The following SLC9A8 variants were observed in gnomAD, a reference collection of about 807,000 sequenced individuals.
SLC9A8 encodes the protein sodium/hydrogen exchanger 8.
SLC9A8 carries 48 observed loss-of-function variants against 66.6 expected under a neutral mutation model. The ratio of observed to expected loss-of-function variants is 0.72; its 90% CI spans 0.57 to 0.92. The LOEUF (loss-of-function observed/expected upper bound fraction) is 0.92. Ranked by LOEUF, SLC9A8 falls within the 40% of genes least tolerant of loss-of-function variation. The pLI, the probability that SLC9A8 is intolerant of heterozygous loss-of-function variation, is 0.00. For synonymous variants in SLC9A8, 274 were observed against 282.6 expected (o/e 0.97, Z 0.31); for missense variants, 599 against 747.3 (o/e 0.80, Z 2.31).
intron 2 of SLC9A8, among the ~76,000 whole-genome samples, chr20:49,816,123 GA>G (rs1426638052): frequency 1.3e-5 from 2 of 152,214 alleles, no homozygotes; most frequent in East Asian, 3.9e-4. Flanking sequence ...TTCACTCTCT[GA>G]AAACCTCATT....
chr20:49,877,534 G>A (rs1206150340), intron 11 of SLC9A8, among the ~76,000 whole-genome samples: 3 of 152,118 alleles, frequency 2.0e-5, no homozygotes, highest in South Asian at 2.1e-4. Context: ...AAACCTTGTG[G>A]CAGTGTTAAA....
intron 8 of SLC9A8, among the ~76,000 whole-genome samples, chr20:49,856,447 A>G (rs2088487073): frequency 6.6e-6 from 1 of 152,194 alleles, no homozygotes; most frequent in Non-Finnish European, 1.5e-5. Flanking sequence ...TGGACACTAC[A>G]ATTTGTTTTC....
chr20:49,862,494 C>T (rs770892599), intron 8 of SLC9A8, among the ~76,000 whole-genome samples: 5 of 152,182 alleles, frequency 3.3e-5, no homozygotes, highest in Non-Finnish European at 5.9e-5. Context: ...CTCCTGCCCT[C>T]AAGTGATCTG....
chr20:49,871,088 C>T (rs372566414), intron 10 of SLC9A8, among the ~76,000 whole-genome samples: 1 of 152,238 alleles, frequency 6.6e-6, no homozygotes, highest in Non-Finnish European at 1.5e-5. Flanking sequence ...AGAGTAGTTA[C>T]GTCTGAGCGG....
chr20:49,847,372 TTTTTC>T (rs1205245682), intron 5 of SLC9A8, among the ~76,000 whole-genome samples: 46 of 148,952 alleles, frequency 3.1e-4, no homozygotes, highest in Non-Finnish European at 5.5e-4. Flanking sequence ...GCATGTAAAG[TTTTTC>T]TTTTCTTTTT....
At chr20:49,873,621 A>C (rs191089579) in intron 10 of SLC9A8, among the ~76,000 whole-genome samples, 2 of 151,464 alleles carry the variant, frequency 1.3e-5, no homozygotes. Flanking sequence ...AAATACAAAA[A>C]TGAGCTGGGC....
At chr20:49,885,263 C>T (rs927818146) in intron 14 of SLC9A8, among the ~76,000 whole-genome samples, 10 of 152,238 alleles carry the variant, frequency 6.6e-5, no homozygotes, top group African/African-American at 9.6e-5. Flanking sequence ...TTGCTACACA[C>T]AGGCTGCTGG....
intron 3 of SLC9A8, among the ~76,000 whole-genome samples, chr20:49,833,519 T>C (rs770733565): frequency 2.0e-5 from 3 of 152,244 alleles, no homozygotes; most frequent in African/African-American, 7.2e-5. Context: ...GGAATACTTA[T>C]ATTTTACAGT....
Position 49,888,155 on chromosome 20 carries a change from C to T in SLC9A8, c.*219C>T, listed in dbSNP as rs528576661. The T allele has an allele frequency of 8.3e-6, 4 of 481,812 alleles. No homozygotes were observed. Among genetic ancestry groups the T allele is most frequent in the African/African-American group, 6.0e-5 (3 of 50,330 alleles). 29.8% of individuals were successfully genotyped at this position (481,812 alleles called of 1,614,324 possible). On this transcript the variant is annotated 3_prime_UTR_variant, in exon 16 of 16. Coordinates refer to ENST00000361573, the MANE Select transcript of SLC9A8 (RefSeq NM_015266.3). ...GAAACTGTCATCTCCCGACTCCTCC[C>T]TGAGCCAGCCTCCGCTCAGTGTGGC...
At chr20:49,857,974 C>A (rs1415055004) in intron 8 of SLC9A8, among the ~76,000 whole-genome samples, 1 of 152,056 alleles carries the variant, frequency 6.6e-6, no homozygotes, top group Non-Finnish European at 1.5e-5. Flanking sequence ...TATATTCTTA[C>A]CAAATTTAGG....
chr20:49,880,838 C>A (rs918356671), intron 12 of SLC9A8, 86 bp from the exon 13 acceptor site: 9 of 867,392 alleles, frequency 1.0e-5, no homozygotes, highest in Non-Finnish European at 1.2e-5. Context: ...GGATGTGTTA[C>A]ACAGTCTGCA....
chr20:49,871,903 G>A, intron 10 of SLC9A8, among the ~76,000 whole-genome samples: 1 of 152,192 alleles, frequency 6.6e-6, no homozygotes, highest in Admixed American at 6.5e-5. Context: ...TTTCCTGTAA[G>A]GAAAACCAGA....
chr20:49,815,499 A>G lies in SLC9A8; in HGVS notation c.208+310A>G, dbSNP rs2086515518. On this transcript the variant is annotated intron_variant, in intron 2 of 15. Transcript: ENST00000361573. ...CGCGGTGGCTCAAGCCTGACATCTC[A>G]GCACTTTGGGAGACTTGGGTGGATC... 3 of 209,468 alleles carry G rather than the reference A, an allele frequency of 1.4e-5. No homozygotes were observed. In the Admixed American group the frequency reaches 1.8e-4, roughly 13 times the overall value. 13.0% of individuals were successfully genotyped at this position (209,468 alleles called of 1,614,324 possible). A position where few individuals can be genotyped will look rare whatever the true frequency, so the allele number is the denominator to read the frequency against.
intron 3 of SLC9A8, chr20:49,829,638 G>A: frequency 2.2e-6 from 1 of 449,922 alleles, no homozygotes; most frequent in African/African-American, 2.0e-5. Flanking sequence ...TCATAAAGAG[G>A]AAATGATAAA....
Position 49,862,925 on chromosome 20 carries a change from C to A in SLC9A8, c.714-4C>A. Reference sequence around the variant, plus strand: ...ATTTATTTCTGTTTTCTTTCATTTCCTAGCACAGCTGAAGGTTTAACAAGA... The same window carrying A: ...ATTTATTTCTGTTTTCTTTCATTTCATAGCACAGCTGAAGGTTTAACAAGA... On this transcript the variant is annotated splice_region_variant and splice_polypyrimidine_tract_variant and intron_variant, in intron 8 of 15. Coordinates refer to ENST00000361573, the MANE Select transcript of SLC9A8 (RefSeq NM_015266.3). The A allele has an allele frequency of 6.2e-7, 1 of 1,603,340 alleles. No individual in the cohort carries two copies. The highest frequency in any genetic ancestry group is 8.5e-7 in the Non-Finnish European group (1 of 1,173,902).
chr20:49,830,014 C>T (rs374934083), intron 3 of SLC9A8: 103 of 641,064 alleles, frequency 1.6e-4, no homozygotes, highest in East Asian at 5.0e-4. Context: ...GGATGATGGC[C>T]GGACCAGTGG....
chr20:49,816,812 T>A (rs1456155532), intron 2 of SLC9A8, among the ~76,000 whole-genome samples: 9 of 151,930 alleles, frequency 5.9e-5, no homozygotes, highest in African/African-American at 2.2e-4. Flanking sequence ...CACTGCAAGC[T>A]CTGCCTCCCG....
At chr20:49,817,241 CG>C (rs1568783493) in intron 2 of SLC9A8, among the ~76,000 whole-genome samples, 1 of 151,724 alleles carries the variant, frequency 6.6e-6, no homozygotes, top group Non-Finnish European at 1.5e-5. Flanking sequence ...CACTTGAACC[CG>C]GGAGGCAGAG....
chr20:49,831,091 C>T (rs928804987), intron 3 of SLC9A8: 9 of 643,002 alleles, frequency 1.4e-5, no homozygotes, highest in African/African-American at 8.9e-5. Context: ...ACTAAGCCGT[C>T]GGACCCCCCA....
Sources: allele counts gnomAD v4.1 joint callset (sites outside exome capture counted in the v4.1 genomes callset), GRCh38; gene constraint gnomAD v4.1.1; transcripts MANE v1.5; gene names NCBI Gene and HGNC (gene_info 2026-07-23, HGNC 2026-07-21).